GRID1: variants seen among roughly 807,000 people sequenced by gnomAD.
GRID1 encodes the protein glutamate receptor ionotropic, delta-1.
GRID1 carries 28 observed loss-of-function variants against 98.0 expected under a neutral mutation model. That is an observed-to-expected ratio of 0.29 (90% CI 0.21 to 0.39). The LOEUF (loss-of-function observed/expected upper bound fraction) is 0.39. Ranked by LOEUF, GRID1 falls within the 10% of genes least tolerant of loss-of-function variation. The pLI is 1.00. For missense variants in GRID1, 1,111 were observed against 1,340.5 expected (o/e 0.83, Z 2.67); for synonymous variants, 553 against 538.5 (o/e 1.03, Z -0.37).
chr10:86,250,643 G>T (rs1010630403), intron 2 of GRID1, among the ~76,000 whole-genome samples: 19 of 151,762 alleles, frequency 1.3e-4, no homozygotes, highest in African/African-American at 3.9e-4. Context: ...TCTGGGAGGT[G>T]GGGGGCAGCC....
chr10:85,661,775 T>C (rs188510451), intron 12 of GRID1, among the ~76,000 whole-genome samples: 134 of 152,266 alleles, frequency 8.8e-4, no homozygotes, highest in African/African-American at 3.2e-3. Context: ...ATGCACAAAA[T>C]TTAGCCACAA....
chr10:85,776,158 C>T (rs74971287), intron 8 of GRID1, among the ~76,000 whole-genome samples: 1 of 152,266 alleles, frequency 6.6e-6, no homozygotes, highest in East Asian at 1.9e-4. Flanking sequence ...ATGCCCTTGC[C>T]TGCTGGAGGA....
intron 8 of GRID1, among the ~76,000 whole-genome samples, chr10:85,822,286 C>T (rs1182195743): frequency 2.0e-5 from 3 of 152,166 alleles, no homozygotes; most frequent in Non-Finnish European, 2.9e-5. Context: ...GCAATCTACT[C>T]ATCTGACAAA....
chr10:85,676,128 T>C (rs184788446), intron 12 of GRID1, among the ~76,000 whole-genome samples: 1 of 151,258 alleles, frequency 6.6e-6, no homozygotes, highest in Non-Finnish European at 1.5e-5. Flanking sequence ...GGAAGGGAGG[T>C]CAACCAGACC....
At position 85,823,458 on chromosome 10, in the gene GRID1, C is replaced by T. The variant is rs115011111; in HGVS notation, c.1233+31038G>A. Among the ~76,000 whole-genome samples, 772 of 151,742 alleles carry T rather than the reference C, an allele frequency of 5.1e-3. 10 individuals carry two copies. Among genetic ancestry groups the T allele is most frequent in the African/African-American group, 0.018 (733 of 41,452 alleles). On this transcript the variant is annotated intron_variant, in intron 8 of 15. Coordinates refer to ENST00000327946, the MANE Select transcript of GRID1 (RefSeq NM_017551.3). ...AAAAATAAACAGAAAATTAAAAATG[C>T]ATAATGACTAAAACCAAAGAGGGGG...
intron 2 of GRID1, among the ~76,000 whole-genome samples, chr10:86,292,082 G>A (rs941455986): frequency 1.4e-4 from 22 of 152,328 alleles, no homozygotes; most frequent in African/African-American, 3.6e-4. Context: ...ACAGGGTCAG[G>A]GAAGCCCCTC....
intron 4 of GRID1, among the ~76,000 whole-genome samples, chr10:86,068,163 G>C (rs1843746853): frequency 6.6e-6 from 1 of 152,218 alleles, no homozygotes; most frequent in Non-Finnish European, 1.5e-5. Flanking sequence ...GGCTCGGAAT[G>C]GGACAGTGAC....
intron 6 of GRID1, among the ~76,000 whole-genome samples, chr10:85,858,896 A>G (rs1025942322): frequency 1.3e-5 from 2 of 152,332 alleles, no homozygotes; most frequent in South Asian, 2.1e-4. Context: ...TTCACAATCA[A>G]TTAAGGTACT....
intron 8 of GRID1, among the ~76,000 whole-genome samples, chr10:85,769,994 G>A (rs960910209): frequency 6.6e-6 from 1 of 152,202 alleles, no homozygotes; most frequent in African/African-American, 2.4e-5. Flanking sequence ...GCATGCAGCT[G>A]GAGATCTGAG....
At chr10:85,890,751 A>G (rs1419239434) in intron 5 of GRID1, among the ~76,000 whole-genome samples, 3 of 152,164 alleles carry the variant, frequency 2.0e-5, no homozygotes, top group Admixed American at 6.6e-5. Flanking sequence ...GGGAAGGAGG[A>G]AAGAGCAAAG....
intron 4 of GRID1, among the ~76,000 whole-genome samples, chr10:85,981,396 A>C (rs572000378): frequency 6.6e-6 from 1 of 152,212 alleles, no homozygotes; most frequent in African/African-American, 2.4e-5. Context: ...CCTTTGTAGA[A>C]GGGAATCTGG....
chr10:86,130,859 A>G (rs1160718766), intron 4 of GRID1, among the ~76,000 whole-genome samples: 2 of 152,206 alleles, frequency 1.3e-5, no homozygotes, highest in East Asian at 1.9e-4. Context: ...TGGGAGTCAC[A>G]GGCACCCACC....
intron 4 of GRID1, among the ~76,000 whole-genome samples, chr10:85,956,192 T>TAATTTAA (rs1263171253): frequency 2.6e-5 from 4 of 152,204 alleles, no homozygotes; most frequent in Non-Finnish European, 1.5e-5. Flanking sequence ...CCAAATCATT[T>TAATTTAA]CCTGAGTCAG....
chr10:85,935,744 G>A (rs1841917519), intron 4 of GRID1, among the ~76,000 whole-genome samples: 1 of 152,228 alleles, frequency 6.6e-6, no homozygotes, highest in Non-Finnish European at 1.5e-5. Context: ...GGTAGGTGCT[G>A]TTGTTAGCTC....
intron 8 of GRID1, among the ~76,000 whole-genome samples, chr10:85,838,863 G>T (rs1205516124): frequency 6.6e-6 from 1 of 151,982 alleles, no homozygotes; most frequent in Non-Finnish European, 1.5e-5. Context: ...GCTGGATAAA[G>T]AACCAAGATC....
At position 86,178,296 on chromosome 10, in the gene GRID1, C is replaced by T. The variant is rs138785525; in HGVS notation, c.520+28068G>A. ...TCTTACGTTTTATATCCATCGTGCC[C>T]TTCTTTTGGACACAGCCCCAAACCT... On this transcript the variant is annotated intron_variant, in intron 3 of 15. Coordinates refer to ENST00000327946, the MANE Select transcript of GRID1 (RefSeq NM_017551.3). 2.5e-3 allele frequency among the ~76,000 whole-genome samples: 386 copies of T among 152,236 alleles called. 1 individual carries two copies. The highest frequency in any genetic ancestry group is 9.1e-3 in the African/African-American group (376 of 41,522).
chr10:86,161,035 C>T (rs1845314429), intron 3 of GRID1, among the ~76,000 whole-genome samples: 2 of 152,148 alleles, frequency 1.3e-5, no homozygotes, highest in Non-Finnish European at 2.9e-5. Flanking sequence ...AAGTGTTTAC[C>T]CAGCTGGCTC....
intron 4 of GRID1, among the ~76,000 whole-genome samples, chr10:86,004,299 C>T (rs10749530): frequency 0.74 from 112,318 of 152,114 alleles, 41,677 homozygotes; most frequent in South Asian, 0.83. Flanking sequence ...AAAAATGTCC[C>T]AATTATCAAA....
chr10:86,112,008 G>A (rs1016805702), intron 4 of GRID1, among the ~76,000 whole-genome samples: 15 of 152,214 alleles, frequency 9.9e-5, no homozygotes, highest in African/African-American at 3.6e-4. Flanking sequence ...CAGGCCCAGA[G>A]TCCCACACTG....
Sources: allele counts gnomAD v4.1 joint callset (sites outside exome capture counted in the v4.1 genomes callset), GRCh38; gene constraint gnomAD v4.1.1; transcripts MANE v1.5; gene names NCBI Gene and HGNC (gene_info 2026-07-23, HGNC 2026-07-21).